The following STPG2 variants were observed in gnomAD, a reference collection of about 807,000 sequenced individuals.
STPG2 encodes the protein sperm-tail PG-rich repeat-containing protein 2.
In STPG2, 56 loss-of-function variants were observed where a neutral mutation model predicts 54.2. That is an observed-to-expected ratio of 1.03 (90% confidence interval 0.83 to 1.29). The LOEUF is 1.29. Ranked by LOEUF, STPG2 falls within the 50% of genes most tolerant of loss-of-function variation. STPG2 has a pLI of 0.00. For synonymous variants in STPG2, 200 were observed against 181.8 expected (o/e 1.10, Z -0.81); for missense variants, 596 against 544.9 (o/e 1.09, Z -0.93).
chr4:97,870,892 C>CA (rs1362916273), intron 8 of STPG2, among the ~76,000 whole-genome samples: 1 of 151,018 alleles, frequency 6.6e-6, no homozygotes, highest in Non-Finnish European at 1.5e-5. Context: ...AATTCACCCC[C>CA]AAAAAATCAT....
At chr4:98,018,826 G>A (rs1035216788) in intron 5 of STPG2, among the ~76,000 whole-genome samples, 1 of 151,710 alleles carries the variant, frequency 6.6e-6, no homozygotes, top group African/African-American at 2.4e-5. Context: ...CTTTTGAGAA[G>A]TGTCTTTTCA....
chr4:97,623,793 C>T (rs1489874320), intron 10 of STPG2, among the ~76,000 whole-genome samples: 1 of 152,092 alleles, frequency 6.6e-6, no homozygotes, highest in African/African-American at 2.4e-5. Flanking sequence ...CCTCCCCCGA[C>T]ACCCCCACTG....
intron 9 of STPG2, among the ~76,000 whole-genome samples, chr4:97,739,639 A>G (rs1274822442): frequency 6.6e-6 from 1 of 152,226 alleles, no homozygotes; most frequent in African/African-American, 2.4e-5. Context: ...TCCTCGACAC[A>G]TACACCCTCC....
At chr4:97,862,761 G>A (rs1015421026) in intron 8 of STPG2, among the ~76,000 whole-genome samples, 3 of 152,166 alleles carry the variant, frequency 2.0e-5, no homozygotes, top group South Asian at 2.1e-4. Flanking sequence ...CGACCACAGT[G>A]CAATCAAATT....
chr4:97,762,250 T>C (rs569564923), intron 9 of STPG2, among the ~76,000 whole-genome samples: 3 of 152,196 alleles, frequency 2.0e-5, no homozygotes, highest in African/African-American at 7.2e-5. Flanking sequence ...TCATTTTCCA[T>C]CTTTTTGTTC....
chr4:98,003,393 T>A (rs28451001), intron 5 of STPG2, among the ~76,000 whole-genome samples: 59,827 of 151,672 alleles, frequency 0.39, 12,029 homozygotes, highest in Middle Eastern at 0.46. Context: ...TAATACATCA[T>A]CAGTTTTTTT....
chr4:97,796,169 T>C (rs1727169569), intron 9 of STPG2, among the ~76,000 whole-genome samples: 1 of 152,208 alleles, frequency 6.6e-6, no homozygotes, highest in South Asian at 2.1e-4. Context: ...ACTCTGATGG[T>C]AGTTTCTTTC....
At chr4:97,604,696 A>G (rs953170863) in intron 10 of STPG2, among the ~76,000 whole-genome samples, 1 of 151,722 alleles carries the variant, frequency 6.6e-6, no homozygotes, top group Admixed American at 6.6e-5. Context: ...TTAGAATGTG[A>G]AGAGAGATAA....
Position 97,810,301 on chromosome 4 carries a change from T to C in STPG2, c.1204+30472A>G, listed in dbSNP as rs12640735. The stretch of plus-strand genomic sequence containing the variant: ...CAACATGGTGAAACCCCGTCTCTAC[T>C]AAAAATACAAAAATTATCTGAGAGT... On this transcript the variant is annotated intron_variant, in intron 9 of 10. Coordinates refer to ENST00000295268, the MANE Select transcript of STPG2 (RefSeq NM_174952.3). Among the ~76,000 whole-genome samples, 5,163 of 151,886 alleles carry C rather than the reference T, an allele frequency of 0.034. 440 individuals are homozygous for C. The East Asian group carries it at 0.36, about 10-fold the overall frequency.
intron 4 of STPG2, among the ~76,000 whole-genome samples, chr4:97,538,234 T>C (rs1436559421): frequency 6.6e-6 from 1 of 151,994 alleles, no homozygotes; most frequent in East Asian, 1.9e-4. Context: ...CTTCAGACAA[T>C]CAAACTTCTC....
intron 8 of STPG2, chr4:97,916,389 CT>C (rs749014407): frequency 3.3e-5 from 5 of 152,630 alleles, no homozygotes; most frequent in African/African-American, 7.2e-5. Flanking sequence ...TGGATTTCCC[CT>C]GTATCACATG....
chr4:98,077,276 C>T (rs1486429837), intron 5 of STPG2, among the ~76,000 whole-genome samples: 1 of 150,062 alleles, frequency 6.7e-6, no homozygotes, highest in African/African-American at 2.5e-5. Context: ...CAGAGTCCCC[C>T]TCTGTCGCCC....
At chr4:98,090,095 T>A (rs1386925794) in intron 5 of STPG2, among the ~76,000 whole-genome samples, 2 of 152,138 alleles carry the variant, frequency 1.3e-5, no homozygotes, top group African/African-American at 4.8e-5. Context: ...TGCGTTTGCT[T>A]TTGGGGTCTT....
intron 4 of STPG2, among the ~76,000 whole-genome samples, chr4:97,495,517 C>A (rs964417710): frequency 1.3e-5 from 2 of 150,792 alleles, no homozygotes; most frequent in African/African-American, 4.9e-5. Flanking sequence ...TTCTATAAGG[C>A]AATATAAGGG....
chr4:97,665,310 G>A (rs1486149392), intron 10 of STPG2, among the ~76,000 whole-genome samples: 1 of 152,180 alleles, frequency 6.6e-6, no homozygotes, highest in Non-Finnish European at 1.5e-5. Flanking sequence ...TGAGGTACAG[G>A]TACAAGTGGA....
At chr4:97,849,007 T>G (rs1285709357) in intron 8 of STPG2, among the ~76,000 whole-genome samples, 3 of 150,706 alleles carry the variant, frequency 2.0e-5, no homozygotes, top group Non-Finnish European at 2.9e-5. Context: ...CCATATGAAC[T>G]TTAAAGTAGT....
intron 10 of STPG2, among the ~76,000 whole-genome samples, chr4:97,703,553 C>CTATATATACTATTATATTTAG (rs1553951737): frequency 7.4e-6 from 1 of 134,888 alleles, no homozygotes; most frequent in Non-Finnish European, 1.6e-5. Flanking sequence ...CTATAATATA[C>CTATATATACTATTATATTTAG]TATATATACT....
intron 5 of STPG2, among the ~76,000 whole-genome samples, chr4:98,082,433 C>CTTT (rs70955915): frequency 1.4e-5 from 1 of 71,402 alleles, no homozygotes; most frequent in Non-Finnish European, 2.7e-5. Flanking sequence ...TGCAGGTCCA[C>CTTT]TTTTTTTTTT....
intron 9 of STPG2, among the ~76,000 whole-genome samples, chr4:97,785,217 T>A (rs1726787534): frequency 6.6e-6 from 1 of 151,976 alleles, no homozygotes; most frequent in Non-Finnish European, 1.5e-5. Context: ...GAAAACCAAA[T>A]TTGGCATATA....
Sources: gnomAD v4.1 joint callset for allele counts (sites outside exome capture counted in the v4.1 genomes callset) on GRCh38, gnomAD v4.1.1 for gene constraint, MANE v1.5 for transcripts, NCBI Gene and HGNC (gene_info 2026-07-23, HGNC 2026-07-21) for gene names.